TNFRSF10B: variants seen among roughly 807,000 people sequenced by gnomAD.
TNFRSF10B encodes TNF receptor superfamily member 10b, also known as tumor necrosis factor receptor superfamily member 10B.
In TNFRSF10B, 35 loss-of-function variants were observed where a neutral mutation model predicts 41.4. The observed-to-expected ratio is 0.85, with a 90% CI of 0.65 to 1.12. The LOEUF (loss-of-function observed/expected upper bound fraction) is 1.12. TNFRSF10B is among the 50% of genes most tolerant of loss of function. The pLI is 0.00. For missense variants in TNFRSF10B, 584 were observed against 552.7 expected (o/e 1.06, Z -0.57); for synonymous variants, 230 against 215.5 (o/e 1.07, Z -0.59).
intron 2 of TNFRSF10B, among the ~76,000 whole-genome samples, chr8:23,035,730 G>A (rs929691919): frequency 3.9e-5 from 6 of 152,092 alleles, no homozygotes; most frequent in African/African-American, 1.4e-4. Flanking sequence ...AAGATAAATT[G>A]TTGTATCTGC....
chr8:23,038,108 G>T (rs1812072988), intron 2 of TNFRSF10B, among the ~76,000 whole-genome samples: 1 of 152,178 alleles, frequency 6.6e-6, no homozygotes, highest in African/African-American at 2.4e-5. Context: ...TGAACACAAA[G>T]GGGAAATTGA....
At chr8:23,027,389 C>G in intron 6 of TNFRSF10B, 101 bp from the exon 7 acceptor site, 1 of 1,461,052 alleles carries the variant, frequency 6.8e-7, no homozygotes. Flanking sequence ...CATCCCCACC[C>G]CCTCTCAGTG....
At chr8:23,044,982 G>A (rs773760977) in intron 1 of TNFRSF10B, among the ~76,000 whole-genome samples, 25 of 148,720 alleles carry the variant, frequency 1.7e-4, no homozygotes, top group African/African-American at 5.4e-4. Flanking sequence ...TTGGGAGGCC[G>A]AGACGGATGG....
intron 1 of TNFRSF10B, among the ~76,000 whole-genome samples, chr8:23,057,896 G>C (rs945887680): frequency 6.6e-6 from 1 of 152,158 alleles, no homozygotes; most frequent in African/African-American, 2.4e-5. Flanking sequence ...CTTATTACTT[G>C]AATGGTATAT....
intron 1 of TNFRSF10B, among the ~76,000 whole-genome samples, chr8:23,056,673 T>C (rs954045013): frequency 1.3e-5 from 2 of 151,518 alleles, no homozygotes; most frequent in African/African-American, 4.9e-5. Context: ...AAGAGAACCA[T>C]ATTAATAGCT....
At chr8:23,060,331 A>G (rs932085920) in intron 1 of TNFRSF10B, among the ~76,000 whole-genome samples, 2 of 152,206 alleles carry the variant, frequency 1.3e-5, no homozygotes, top group African/African-American at 4.8e-5. Flanking sequence ...ATGTTAGGCT[A>G]AGGTTCACTT....
chr8:23,050,035 G>A (rs1453962368), intron 1 of TNFRSF10B: 1 of 152,220 alleles, frequency 6.6e-6, no homozygotes, highest in Non-Finnish European at 1.5e-5. Context: ...AAATCTACAC[G>A]TCCCTTTCTC....
At position 23,042,095 on chromosome 8, in the gene TNFRSF10B, T is replaced by C. The variant is rs192020445; in HGVS notation, c.250+1043A>G. ...GTCCTCATTCCCCACACGTCATCCA[T>C]CCACACCCCAAATATGTCTTGAGTC... On this transcript the variant is annotated intron_variant, in intron 2 of 8. Coordinates refer to ENST00000276431, the MANE Select transcript of TNFRSF10B (RefSeq NM_003842.5). Among the ~76,000 whole-genome samples the C allele has an allele frequency of 2.0e-5, 3 of 152,264 alleles. No homozygotes were observed. In the East Asian group the frequency reaches 5.8e-4, roughly 29 times the overall value.
Position 23,022,845 on chromosome 8 carries a change from G to A in TNFRSF10B, c.1149C>T (p.Tyr383=). The A allele has an allele frequency of 2.5e-6, 4 of 1,614,086 alleles. No homozygotes were observed. Among genetic ancestry groups the A allele is most frequent in the Non-Finnish European group, 3.4e-6 (4 of 1,180,004 alleles). Residue 383 remains tyrosine, a synonymous_variant, in exon 9 of 9, where the codon TAC becomes TAT. Transcript: ENST00000276431. ...TGTTGACCCACTTTATCAGCATCGT[G>A]TACAAGGTGTCCCTGTGGCCCGCTG... is the stretch of plus-strand genomic sequence containing the variant. ...AEAAGHRDTL[Y]TMLIKWVNKT...
At position 23,020,817 on chromosome 8, in the gene TNFRSF10B, T is replaced by C. The variant is rs920752854; in HGVS notation, c.*1854A>G. The C allele has an allele frequency of 3.3e-5, 15 of 454,004 alleles. No individual in the cohort carries two copies. The highest frequency in any genetic ancestry group is 3.3e-4 in the Admixed American group (14 of 42,554). The allele number at this position is 454,004 out of a possible 1,614,324, so 28.1% of individuals were successfully genotyped here. ...GACCGGACTGGCACCTTCTGAGCCC[T>C]GAGGCTGAGCGTCCTGCACAGAAGG... On this transcript the variant is annotated 3_prime_UTR_variant, in exon 9 of 9. Coordinates refer to ENST00000276431, the MANE Select transcript of TNFRSF10B (RefSeq NM_003842.5).
chr8:23,031,345 G>A (rs189702007), intron 2 of TNFRSF10B, among the ~76,000 whole-genome samples: 2 of 151,516 alleles, frequency 1.3e-5, no homozygotes, highest in Admixed American at 6.6e-5. Context: ...CAAAGTGCTG[G>A]GATTACAGGC....
intron 2 of TNFRSF10B, among the ~76,000 whole-genome samples, chr8:23,041,479 C>G (rs912426046): frequency 6.6e-6 from 1 of 152,124 alleles, no homozygotes; most frequent in East Asian, 1.9e-4. Flanking sequence ...CTACAGTGAG[C>G]TATGATCCTG....
In TNFRSF10B at chr8:23,025,436, A is replaced by G. The variant is rs557867107; in HGVS notation, c.937-1176T>C. Among the ~76,000 whole-genome samples, 3 of 152,352 alleles carry G rather than the reference A, an allele frequency of 2.0e-5. No individual in the cohort carries two copies. In the South Asian group the frequency reaches 6.2e-4, roughly 32 times the overall value. On this transcript the variant is annotated intron_variant, in intron 7 of 8. Coordinates refer to ENST00000276431, the MANE Select transcript of TNFRSF10B (RefSeq NM_003842.5). The stretch of plus-strand genomic sequence containing the variant: ...ACTATGTGGGCGGGAGGGGTACTAG[A>G]GAAAATCTTATAATTCTAAATTTTA...
intron 2 of TNFRSF10B, among the ~76,000 whole-genome samples, chr8:23,042,260 A>AG (rs2128815570): frequency 6.6e-6 from 1 of 152,342 alleles, no homozygotes; most frequent in East Asian, 1.9e-4. Flanking sequence ...GTGCAATGTG[A>AG]GGGTTTGCCC....
chr8:23,049,407 A>C (rs1358014643), intron 1 of TNFRSF10B, among the ~76,000 whole-genome samples: 3 of 152,274 alleles, frequency 2.0e-5, no homozygotes, highest in African/African-American at 7.2e-5. Flanking sequence ...CAGGCCTCCA[A>C]AAACAAGTGT....
At chr8:23,036,429 A>G (rs1424804926) in intron 2 of TNFRSF10B, among the ~76,000 whole-genome samples, 4 of 152,156 alleles carry the variant, frequency 2.6e-5, no homozygotes, top group Non-Finnish European at 4.4e-5. Flanking sequence ...GGAATTCCCT[A>G]TGGTCAGTTG....
At chr8:23,042,526 G>C (rs1252749138) in intron 2 of TNFRSF10B, among the ~76,000 whole-genome samples, 5 of 152,174 alleles carry the variant, frequency 3.3e-5, no homozygotes, top group Admixed American at 3.3e-4. Flanking sequence ...AACATCCCAG[G>C]GGAGCGCCTC....
At chr8:23,053,900 T>A (rs946603442) in intron 1 of TNFRSF10B, among the ~76,000 whole-genome samples, 1 of 152,236 alleles carries the variant, frequency 6.6e-6, no homozygotes, top group African/African-American at 2.4e-5. Flanking sequence ...TCCAAAGTTA[T>A]GGAAGACTCC....
chr8:23,033,173 T>C (rs557601281), intron 2 of TNFRSF10B, among the ~76,000 whole-genome samples: 12 of 152,280 alleles, frequency 7.9e-5, no homozygotes, highest in Non-Finnish European at 8.8e-5. Flanking sequence ...CCTTCTTAGA[T>C]AAATGAAAGG....
Sources: gnomAD v4.1 joint callset for allele counts (sites outside exome capture counted in the v4.1 genomes callset) on GRCh38, gnomAD v4.1.1 for gene constraint, MANE v1.5 for transcripts, NCBI Gene and HGNC (gene_info 2026-07-23, HGNC 2026-07-21) for gene names.